MXD4: variants seen among roughly 807,000 people sequenced by gnomAD.
MXD4 encodes MAX dimerization protein 4, also known as Mad4 homolog.
MXD4 carries 16 observed loss-of-function variants against 24.5 expected under a neutral mutation model. The observed-to-expected ratio is 0.65, with a 90% CI of 0.44 to 0.99. The LOEUF (loss-of-function observed/expected upper bound fraction) is 0.99. Among genes scored for constraint, MXD4 ranks in the 50% least tolerant of loss-of-function variants. MXD4 has a pLI of 0.00. For missense variants in MXD4, 301 were observed against 301.5 expected (o/e 1.00, Z 0.01); for synonymous variants, 164 against 134.2 (o/e 1.22, Z -1.54).
intron 3 of MXD4, chr4:2,254,852 G>A (rs766426982): frequency 1.8e-5 from 3 of 166,052 alleles, no homozygotes; most frequent in Admixed American, 5.6e-5. Flanking sequence ...GCCACTTCGA[G>A]GGGTCGTTGA....
chr4:2,255,758 G>T (rs1180465222), intron 3 of MXD4, among the ~76,000 whole-genome samples: 1 of 152,170 alleles, frequency 6.6e-6, no homozygotes, highest in African/African-American at 2.4e-5. Context: ...CGCTGGGCTG[G>T]TATCGACAGC....
intron 5 of MXD4, 93 bp from the exon 6 acceptor site, chr4:2,250,794 G>T: frequency 1.4e-6 from 2 of 1,462,582 alleles, no homozygotes; most frequent in Non-Finnish European, 1.8e-6. Flanking sequence ...AGGCAGAGGG[G>T]CAGAAGTGCG....
rs1219589160 is a variant in MXD4 at position 2,250,246 on chromosome 4, T to C, written c.*298A>G. On this transcript the variant is annotated 3_prime_UTR_variant, in exon 6 of 6. Coordinates refer to ENST00000337190, the MANE Select transcript of MXD4 (RefSeq NM_006454.3). The stretch of plus-strand genomic sequence containing the variant: ...CGAGGTTTGCAGCAATGACGTTTAA[T>C]ACTTCTGGAATGATTAGGAATCTGA... 4.5e-6 allele frequency: 2 copies of C among 441,358 alleles called. No individual in the cohort carries two copies. Among genetic ancestry groups the C allele is most frequent in the Non-Finnish European group, 8.1e-6 (2 of 246,628 alleles). 27.3% of individuals were successfully genotyped at this position (441,358 alleles called of 1,614,324 possible). A position where few individuals can be genotyped will look rare whatever the true frequency, so the allele number is the denominator to read the frequency against.
rs1577814823 is a variant in MXD4, at chr4:2,248,851, G to A, written c.*1693C>T. ...CAGAGGCACGGCAGGCACTGCTATG[G>A]GCCAGCCCCAAGGACAGAGGACGTC... On this transcript the variant is annotated 3_prime_UTR_variant, in exon 6 of 6. Coordinates refer to ENST00000337190, the MANE Select transcript of MXD4 (RefSeq NM_006454.3). The A allele has an allele frequency of 6.6e-6, 1 of 152,484 alleles. No individual in the cohort carries two copies. Among genetic ancestry groups the A allele is most frequent in the East Asian group, 1.9e-4 (1 of 5,180 alleles). 9.4% of individuals were successfully genotyped at this position (152,484 alleles called of 1,614,324 possible).
At chr4:2,261,873 C>T (rs748439040) in intron 1 of MXD4, 44 bp downstream of exon 1, 1 of 1,392,864 alleles carries the variant, frequency 7.2e-7, no homozygotes. Flanking sequence ...ACGGCCCCGC[C>T]GCCCGCCCAC....
intron 3 of MXD4, 60 bp downstream of exon 3, chr4:2,257,922 C>G (rs866238576): frequency 6.2e-7 from 1 of 1,607,054 alleles, no homozygotes; most frequent in Non-Finnish European, 8.5e-7. Flanking sequence ...GCACCACACA[C>G]CCTCAGTAAA....
chr4:2,260,674 T>C (rs570266779), intron 2 of MXD4: 125 of 431,468 alleles, frequency 2.9e-4, no homozygotes, highest in African/African-American at 2.3e-3. Flanking sequence ...CCAGGGCAGC[T>C]GGAGACTCAA....
chr4:2,260,596 C>G (rs1735520288), intron 2 of MXD4: 2 of 455,524 alleles, frequency 4.4e-6, no homozygotes, highest in African/African-American at 2.0e-5. Context: ...TCCCTCGTCA[C>G]ACTCCTGTCC....
rs1198724684 is a variant in MXD4 at position 2,248,719 on chromosome 4, G to A, written c.*1825C>T. 2 of 152,314 alleles carry A rather than the reference G, an allele frequency of 1.3e-5. No homozygotes were observed. The highest frequency in any genetic ancestry group is 2.9e-5 in the Non-Finnish European group (2 of 68,110). 9.4% of individuals were successfully genotyped at this position (152,314 alleles called of 1,614,324 possible). On this transcript the variant is annotated 3_prime_UTR_variant, in exon 6 of 6. Coordinates refer to ENST00000337190, the MANE Select transcript of MXD4 (RefSeq NM_006454.3). ...AGGTTCTGTGCCAGAGTTGTTTCCA[G>A]GGACCCCCTTCCGCCACAGTGGGCC... is the stretch of plus-strand genomic sequence containing the variant.
chr4:2,260,694 C>T (rs1294723545), intron 2 of MXD4: 2 of 417,350 alleles, frequency 4.8e-6, no homozygotes, highest in Middle Eastern at 3.4e-4. Flanking sequence ...ACCAATTCCT[C>T]GCCTGGCTCA....
chr4:2,255,550 C>T (rs1164376461), intron 3 of MXD4, among the ~76,000 whole-genome samples: 1 of 152,142 alleles, frequency 6.6e-6, no homozygotes, highest in African/African-American at 2.4e-5. Flanking sequence ...ACCCACCCCT[C>T]TGAGCCATGA....
intron 5 of MXD4, among the ~76,000 whole-genome samples, 185 bp from the exon 6 acceptor site, chr4:2,250,886 G>A (rs1735306101): frequency 2.0e-5 from 3 of 152,172 alleles, no homozygotes; most frequent in South Asian, 2.1e-4. Context: ...CCAGTCCTCA[G>A]CGGGCCACAC....
In MXD4 at chr4:2,248,356, G is replaced by A. The variant is rs1735241125; in HGVS notation, c.*2188C>T. On this transcript the variant is annotated 3_prime_UTR_variant, in exon 6 of 6. Transcript: ENST00000337190. The stretch of plus-strand genomic sequence containing the variant: ...CACCGGGTGGATTCTGCTGGTCAGA[G>A]ATGAGAGCAGAAGCCCCTAGCTGCC... 1 of 152,448 alleles carries A rather than the reference G, an allele frequency of 6.6e-6. No individual in the cohort carries two copies. The highest frequency in any genetic ancestry group is 2.1e-4 in the South Asian group (1 of 4,838). 9.4% of individuals were successfully genotyped at this position (152,448 alleles called of 1,614,324 possible).
intron 3 of MXD4, among the ~76,000 whole-genome samples, chr4:2,256,203 T>C (rs908608747): frequency 1.3e-5 from 2 of 151,714 alleles, no homozygotes; most frequent in Admixed American, 1.3e-4. Flanking sequence ...GAGCCTGGAG[T>C]GGGGCCAGTG....
At chr4:2,252,829 T>G in intron 3 of MXD4, 3 of 299,938 alleles carry the variant, frequency 1.0e-5, no homozygotes, top group Non-Finnish European at 6.4e-6. Flanking sequence ...CCATCCCCCA[T>G]CCCCACCCTG....
intron 3 of MXD4, chr4:2,255,109 TGAG>T: frequency 2.7e-6 from 1 of 364,972 alleles, no homozygotes; most frequent in Non-Finnish European, 5.4e-6. Context: ...TCATCAGGGA[TGAG>T]AAGGTGGAGG....
At chr4:2,256,502 G>C (rs1735434250) in intron 3 of MXD4, among the ~76,000 whole-genome samples, 2 of 152,236 alleles carry the variant, frequency 1.3e-5, no homozygotes, top group Admixed American at 1.3e-4. Context: ...CTGCAGCCAA[G>C]AGCAGCTGGC....
At chr4:2,260,952 C>T (rs539552284) in intron 2 of MXD4, among the ~76,000 whole-genome samples, 4 of 152,318 alleles carry the variant, frequency 2.6e-5, no homozygotes, top group Admixed American at 2.6e-4. Context: ...CGCGGGGGAC[C>T]TGTACGCACC....
At chr4:2,257,340 C>A (rs922888612) in intron 3 of MXD4, among the ~76,000 whole-genome samples, 4 of 152,196 alleles carry the variant, frequency 2.6e-5, no homozygotes, top group Non-Finnish European at 5.9e-5. Flanking sequence ...TCTTCCTGGT[C>A]CTGGCATGGG....
Sources: allele counts gnomAD v4.1 joint callset (sites outside exome capture counted in the v4.1 genomes callset), GRCh38; gene constraint gnomAD v4.1.1; transcripts MANE v1.5; gene names NCBI Gene and HGNC (gene_info 2026-07-23, HGNC 2026-07-21).